The following UGGT2 variants were observed in gnomAD, a reference collection of about 807,000 sequenced individuals.
The protein encoded by UGGT2 is UDP-glucose:glycoprotein glucosyltransferase 2.
A neutral mutation model predicts 192.1 loss-of-function variants in UGGT2; 180 were observed. That is an observed-to-expected ratio of 0.94 (90% CI 0.83 to 1.06). The LOEUF (loss-of-function observed/expected upper bound fraction) is 1.06, where lower values mean the gene tolerates loss of function less well. Among genes scored for constraint, UGGT2 ranks in the 50% least tolerant of loss-of-function variants. The probability of loss-of-function intolerance (pLI) is 0.00; values close to 1 mark genes in which losing one functional copy is unlikely to be tolerated. For missense variants in UGGT2, 1,849 were observed against 1,795.7 expected, an observed-to-expected ratio of 1.03 and a Z score of -0.54; for synonymous variants, 580 against 591.0, an observed-to-expected ratio of 0.98 and a Z score of 0.27.
At chr13:95,998,362 GTA>G (rs2051693931) in intron 6 of UGGT2, among the ~76,000 whole-genome samples, 1 of 152,100 alleles carries the variant, frequency 6.6e-6, no homozygotes, top group African/African-American at 2.4e-5. Context: ...TAAAATCAGA[GTA>G]TTATTTTTAC....
At chr13:95,816,483 A>G (rs1279703425) in intron 38 of UGGT2, among the ~76,000 whole-genome samples, 1 of 152,216 alleles carries the variant, frequency 6.6e-6, no homozygotes, top group Admixed American at 6.5e-5. Context: ...CCCAAACTGG[A>G]AATAACCCAA....
chr13:95,847,524 T>C (rs1199153881), intron 36 of UGGT2, among the ~76,000 whole-genome samples: 2 of 152,230 alleles, frequency 1.3e-5, no homozygotes, highest in Admixed American at 6.5e-5. Context: ...TTTGCTTTTT[T>C]CCAGAATGTC....
At chr13:95,966,663 A>T (rs1350805288) in intron 12 of UGGT2, among the ~76,000 whole-genome samples, 4 of 152,172 alleles carry the variant, frequency 2.6e-5, no homozygotes, top group Admixed American at 2.6e-4. Context: ...ATATCACATG[A>T]ATCTCATAAA....
chr13:95,962,240 T>A (rs979196761), intron 12 of UGGT2, among the ~76,000 whole-genome samples: 1 of 151,906 alleles, frequency 6.6e-6, no homozygotes, highest in Non-Finnish European at 1.5e-5. Flanking sequence ...CAGAACTAAA[T>A]GAAATTGATA....
At chr13:95,982,964 G>A (rs1056282218) in intron 10 of UGGT2, among the ~76,000 whole-genome samples, 2 of 152,238 alleles carry the variant, frequency 1.3e-5, no homozygotes, top group South Asian at 4.1e-4. Flanking sequence ...GCTGACATTT[G>A]TTGACAGCTC....
intron 17 of UGGT2, among the ~76,000 whole-genome samples, chr13:95,928,403 CGGCTGCCGGGCGG>C (rs2049114725): frequency 6.6e-6 from 1 of 150,534 alleles, no homozygotes. Context: ...CCGGACGGGG[CGGCTGCCGGGCGG>C]AGGGGCTCCT....
chr13:95,850,755 A>G (rs537847988), intron 36 of UGGT2, among the ~76,000 whole-genome samples: 2 of 152,346 alleles, frequency 1.3e-5, no homozygotes, highest in African/African-American at 2.4e-5. Flanking sequence ...CTTTATATAG[A>G]TTCTTCTGGA....
At chr13:95,852,155 A>G (rs1889115138) in intron 36 of UGGT2, among the ~76,000 whole-genome samples, 1 of 152,206 alleles carries the variant, frequency 6.6e-6, no homozygotes, top group Non-Finnish European at 1.5e-5. Flanking sequence ...TTTCCCACTT[A>G]CTAGATTTTT....
intron 21 of UGGT2, among the ~76,000 whole-genome samples, chr13:95,901,515 C>T (rs1332166136): frequency 6.6e-6 from 1 of 152,114 alleles, no homozygotes; most frequent in East Asian, 1.9e-4. Flanking sequence ...ACTTCTCAAA[C>T]TTTAATGTAC....
chr13:95,966,344 A>C (rs2050578928), intron 12 of UGGT2, among the ~76,000 whole-genome samples: 1 of 152,184 alleles, frequency 6.6e-6, no homozygotes, highest in South Asian at 2.1e-4. Flanking sequence ...AAAAATATTG[A>C]CCTCATGGAG....
intron 2 of UGGT2, among the ~76,000 whole-genome samples, chr13:96,027,441 C>A (rs997926973): frequency 6.6e-6 from 1 of 152,182 alleles, no homozygotes; most frequent in Non-Finnish European, 1.5e-5. Flanking sequence ...ATAACTAAAT[C>A]CATGCTCACC....
chr13:95,804,463 C>T (rs1469632964), intron 38 of UGGT2, among the ~76,000 whole-genome samples: 1 of 152,098 alleles, frequency 6.6e-6, no homozygotes, highest in Non-Finnish European at 1.5e-5. Context: ...AAAACTCATT[C>T]TGAAATTCAT....
chr13:95,853,619 A>G lies in UGGT2; in HGVS notation c.4208T>C (p.Ile1403Thr), dbSNP rs151282417. Residue 1403 changes from isoleucine to threonine, a missense_variant, in exon 36 of 39, where the codon ATT becomes ACT. Coordinates refer to ENST00000376747, the MANE Select transcript of UGGT2 (RefSeq NM_020121.4). ...YVVDLKKFRR[I>T]GAGDRLRSQY... ...GCTCCTGAGCCTGTCACCTGCTCCA[A>G]TTCTCCTGAACTTCTTGAGATCCAC... The G allele has an allele frequency of 5.7e-6, 9 of 1,592,492 alleles. No individual in the cohort carries two copies. The highest frequency in any genetic ancestry group is 6.8e-6 in the Non-Finnish European group (8 of 1,173,854).
chr13:95,807,715 C>CTTTTTTTT (rs200081851), intron 38 of UGGT2, among the ~76,000 whole-genome samples: 2 of 48,040 alleles, frequency 4.2e-5, no homozygotes, highest in African/African-American at 1.2e-4. Flanking sequence ...TCAGCCCTCA[C>CTTTTTTTT]CTTTTTTTTT....
chr13:95,955,855 T>C (rs1340786297), intron 12 of UGGT2, among the ~76,000 whole-genome samples: 2 of 152,222 alleles, frequency 1.3e-5, no homozygotes, highest in African/African-American at 4.8e-5. Flanking sequence ...ATGCAGTAAA[T>C]GTAACTAAGT....
At chr13:95,808,962 G>GT (rs1032025858) in intron 38 of UGGT2, among the ~76,000 whole-genome samples, 25 of 152,220 alleles carry the variant, frequency 1.6e-4, no homozygotes, top group Non-Finnish European at 3.2e-4. Flanking sequence ...GTACAGGACC[G>GT]TGACTCCATA....
At chr13:95,871,086 T>G (rs1891175920) in intron 29 of UGGT2, among the ~76,000 whole-genome samples, 1 of 152,162 alleles carries the variant, frequency 6.6e-6, no homozygotes, top group Admixed American at 6.5e-5. Context: ...AAACAAAAAA[T>G]GAATGTGAAA....
At chr13:95,928,012 C>A (rs965890774) in intron 17 of UGGT2, among the ~76,000 whole-genome samples, 1 of 152,230 alleles carries the variant, frequency 6.6e-6, no homozygotes, top group Non-Finnish European at 1.5e-5. Context: ...CATCCCAAGG[C>A]AGAAGAATTT....
At chr13:95,924,149 A>G (rs2048938070) in intron 20 of UGGT2, among the ~76,000 whole-genome samples, 1 of 152,134 alleles carries the variant, frequency 6.6e-6, no homozygotes, top group Non-Finnish European at 1.5e-5. Flanking sequence ...GGTTTTGAAA[A>G]TCTTTGGGAC....
Sources: allele counts gnomAD v4.1 joint callset (sites outside exome capture counted in the v4.1 genomes callset), GRCh38; gene constraint gnomAD v4.1.1; transcripts MANE v1.5; gene names NCBI Gene and HGNC (gene_info 2026-07-23, HGNC 2026-07-21).